FBXL4: variants seen among roughly 807,000 people sequenced by gnomAD.
FBXL4 encodes F-box and leucine rich repeat protein 4.
In FBXL4, 40 loss-of-function variants were observed where a neutral mutation model predicts 58.9. That is an observed-to-expected ratio of 0.68 (90% CI 0.53 to 0.88). The LOEUF (loss-of-function observed/expected upper bound fraction) is 0.88. Ranked by LOEUF, FBXL4 falls within the 40% of genes least tolerant of loss-of-function variation. The pLI is 0.00. For missense variants in FBXL4, 676 were observed against 734.4 expected, an observed-to-expected ratio of 0.92 and a Z score of 0.92; for synonymous variants, 263 against 265.5, an observed-to-expected ratio of 0.99 and a Z score of 0.09.
chr6:98,945,835 A>C (rs992133487), intron 1 of FBXL4, among the ~76,000 whole-genome samples: 2 of 152,204 alleles, frequency 1.3e-5, no homozygotes, highest in Admixed American at 6.5e-5. Flanking sequence ...GCAGATTTTT[A>C]ATCAGGCTGC....
intron 7 of FBXL4, chr6:98,898,330 C>T: frequency 1.0e-6 from 1 of 985,380 alleles, no homozygotes; most frequent in Non-Finnish European, 1.2e-6. Flanking sequence ...TACAGGGGCC[C>T]AGGTACATAC....
At position 98,875,483 on chromosome 6, in the gene FBXL4, G is replaced by T; in HGVS notation, c.1634C>A (p.Ser545Tyr). 1 of 1,614,112 alleles carries T rather than the reference G, an allele frequency of 6.2e-7. No individual in the cohort carries two copies. The highest frequency in any genetic ancestry group is 8.5e-7 in the Non-Finnish European group (1 of 1,179,972). The part of the protein sequence containing the change: ...LQKLFLTANR[S>Y]VCDTDIDELA... The stretch of plus-strand genomic sequence containing the variant: ...TTCATCAATGTCTGTGTCACACACA[G>T]ATCTATTAGCTGTAAGAAAGAGTTT... The change falls in exon 9 of 10, where the codon TCT (serine) becomes TAT (tyrosine). Residue 545 changes from serine (S) to tyrosine (Y), a missense_variant. Coordinates refer to ENST00000369244, the MANE Select transcript of FBXL4 (RefSeq NM_001278716.2).
At chr6:98,898,963 C>G (rs1393714594) in intron 7 of FBXL4, 1 of 985,390 alleles carries the variant, frequency 1.0e-6, no homozygotes, top group African/African-American at 1.7e-5. Flanking sequence ...CTACCTTTCT[C>G]TAATTCATTC....
Position 98,927,125 on chromosome 6 carries a change from G to C in FBXL4, c.-72-65C>G. The stretch of plus-strand genomic sequence containing the variant: ...ATAAGCAGAAAAATGCATGGATAAG[G>C]TAATGAACAGGCTCTACCCTCAATG... On this transcript the variant is annotated intron_variant, in intron 3 of 9. Transcript: ENST00000369244. 3.9e-6 allele frequency: 3 copies of C among 765,126 alleles called. No individual in the cohort carries two copies. The East Asian group carries it at 7.6e-5, about 19-fold the overall frequency. 47.4% of individuals were successfully genotyped at this position (765,126 alleles called of 1,614,324 possible). A position where few individuals can be genotyped will look rare whatever the true frequency, so the allele number is the denominator to read the frequency against.
At position 98,869,452 on chromosome 6, in the gene FBXL4, GA is replaced by G. The variant is rs34227290; in HGVS notation, c.*4825del. On this transcript the variant is annotated 3_prime_UTR_variant, in exon 10 of 10. Transcript: ENST00000369244. ...GTTCAAGACCAACATAGGCAACATG[GA>G]AAGACTGTGTCTCTATAAAAAATAA... 0.066 allele frequency: 10,005 copies of G among 152,254 alleles called. 353 individuals are homozygous for G. Among genetic ancestry groups the G allele is most frequent in the Middle Eastern group, 0.12 (34 of 294 alleles). 9.4% of individuals were successfully genotyped at this position (152,254 alleles called of 1,614,324 possible). A position where few individuals can be genotyped will look rare whatever the true frequency, so the allele number is the denominator to read the frequency against.
chr6:98,900,563 C>T (rs1001638502), intron 6 of FBXL4, among the ~76,000 whole-genome samples: 2 of 152,160 alleles, frequency 1.3e-5, no homozygotes, highest in African/African-American at 4.8e-5. Context: ...ATTTCCTCAG[C>T]TGTAAACGCA....
intron 4 of FBXL4, among the ~76,000 whole-genome samples, chr6:98,925,657 A>G (rs1367006701): frequency 6.6e-6 from 1 of 152,260 alleles, no homozygotes; most frequent in Non-Finnish European, 1.5e-5. Flanking sequence ...AAGAATGAGG[A>G]AGCTCTCTTT....
chr6:98,895,102 A>G (rs1181732153), intron 7 of FBXL4, among the ~76,000 whole-genome samples: 4 of 152,124 alleles, frequency 2.6e-5, no homozygotes, highest in Non-Finnish European at 2.9e-5. Flanking sequence ...TACATGTCAA[A>G]ATTATTTTGA....
rs1770478551 is a variant in FBXL4 at position 98,871,090 on chromosome 6, A to AC, written c.*3187_*3188insG. 1 of 152,064 alleles carries AC rather than the reference A, an allele frequency of 6.6e-6. No individual in the cohort carries two copies. Among genetic ancestry groups the AC allele is most frequent in the South Asian group, 2.1e-4 (1 of 4,828 alleles). 9.4% of individuals were successfully genotyped at this position (152,064 alleles called of 1,614,324 possible). A position where few individuals can be genotyped will look rare whatever the true frequency, so the allele number is the denominator to read the frequency against. On this transcript the variant is annotated 3_prime_UTR_variant, in exon 10 of 10. Coordinates refer to ENST00000369244, the MANE Select transcript of FBXL4 (RefSeq NM_001278716.2). ...GAATGAGACTCAGTCTCAAAAAAAAAAAAAAACAAACTCAAAAATGAAAAT... is the reference window on the plus strand; with the variant it reads ...GAATGAGACTCAGTCTCAAAAAAAAACAAAAAACAAACTCAAAAATGAAAAT...
intron 1 of FBXL4, among the ~76,000 whole-genome samples, chr6:98,947,275 T>A (rs908866322): frequency 1.3e-5 from 2 of 152,198 alleles, no homozygotes; most frequent in Non-Finnish European, 2.9e-5. Flanking sequence ...ATCATCACAC[T>A]CTAGGGGCAC....
intron 2 of FBXL4, among the ~76,000 whole-genome samples, chr6:98,932,939 G>A (rs1446180671): frequency 2.0e-5 from 3 of 148,438 alleles, no homozygotes; most frequent in African/African-American, 4.9e-5. Flanking sequence ...AGTTTAGACA[G>A]CTTTGCTACA....
intron 1 of FBXL4, among the ~76,000 whole-genome samples, chr6:98,938,404 C>G (rs749151493): frequency 6.6e-6 from 1 of 152,096 alleles, no homozygotes; most frequent in African/African-American, 2.4e-5. Context: ...GTGTTAAACT[C>G]GTGGAGTTCT....
Position 98,873,120 on chromosome 6 carries a change from A to G in FBXL4, c.*1158T>C, listed in dbSNP as rs1357872508. 6.6e-6 allele frequency: 1 copy of G among 151,564 alleles called. No homozygotes were observed. Among genetic ancestry groups the G allele is most frequent in the Non-Finnish European group, 1.5e-5 (1 of 67,906 alleles). 9.4% of individuals were successfully genotyped at this position (151,564 alleles called of 1,614,324 possible). Reference sequence around the variant, plus strand: ...ACACAAAACTAATATTAACTGTAGTATAACAAAATTCATTGTCCTGTTAAG... The same window carrying G: ...ACACAAAACTAATATTAACTGTAGTGTAACAAAATTCATTGTCCTGTTAAG... On this transcript the variant is annotated 3_prime_UTR_variant, in exon 10 of 10. Coordinates refer to ENST00000369244, the MANE Select transcript of FBXL4 (RefSeq NM_001278716.2).
At chr6:98,938,761 C>T (rs1236227454) in intron 1 of FBXL4, among the ~76,000 whole-genome samples, 3 of 149,370 alleles carry the variant, frequency 2.0e-5, no homozygotes, top group East Asian at 2.0e-4. Context: ...TTTTTTTTTT[C>T]CAGAATAGGG....
At chr6:98,880,040 C>T (rs1293017248) in intron 8 of FBXL4, among the ~76,000 whole-genome samples, 3 of 151,114 alleles carry the variant, frequency 2.0e-5, no homozygotes, top group African/African-American at 7.3e-5. Flanking sequence ...AGTAAAATTT[C>T]CACACACAAA....
chr6:98,926,702 A>G lies in FBXL4; in HGVS notation c.287T>C (p.Val96Ala). ...CCACCATGTCCCATAAGTTCGAAAC[A>G]CAGCTGTCTGAGTAAAGTCACCAGA... ...PSSGDFTQTA[V>A]FRTYGTWWDQ... Residue 96 changes from valine (V) to alanine (A), a missense_variant, in exon 4 of 10, where the codon GTG (valine) becomes GCG (alanine). By Grantham distance (64) the Val-to-Ala change is moderately conservative. Transcript: ENST00000369244. 1 of 1,614,190 alleles carries G rather than the reference A, an allele frequency of 6.2e-7. No individual in the cohort carries two copies. Among genetic ancestry groups the G allele is most frequent in the Non-Finnish European group, 8.5e-7 (1 of 1,180,034 alleles).
intron 3 of FBXL4, 135 bp from the exon 4 acceptor site, chr6:98,927,195 A>C (rs1772824984): frequency 6.1e-6 from 3 of 490,394 alleles, no homozygotes; most frequent in Admixed American, 3.7e-5. Context: ...TAAAATACAA[A>C]TGTGAAGTCT....
At chr6:98,918,873 A>G (rs1193120691) in intron 4 of FBXL4, among the ~76,000 whole-genome samples, 2 of 152,144 alleles carry the variant, frequency 1.3e-5, no homozygotes, top group Admixed American at 1.3e-4. Flanking sequence ...AGTGAGCCAT[A>G]TCTCCTTATG....
intron 6 of FBXL4, among the ~76,000 whole-genome samples, chr6:98,901,307 A>G (rs889448879): frequency 6.6e-6 from 1 of 152,088 alleles, no homozygotes; most frequent in African/African-American, 2.4e-5. Context: ...TTCTAGGCAA[A>G]GGGAAGGGCA....
Sources: allele counts gnomAD v4.1 joint callset (sites outside exome capture counted in the v4.1 genomes callset), GRCh38; gene constraint gnomAD v4.1.1; transcripts MANE v1.5; gene names NCBI Gene and HGNC (gene_info 2026-07-23, HGNC 2026-07-21).